Variants in ZBTB7C observed in about 807,000 individuals in gnomAD.
ZBTB7C encodes the protein zinc finger and BTB domain-containing protein 7C.
In ZBTB7C, 8 loss-of-function variants were observed where a neutral mutation model predicts 25.7. The ratio of observed to expected loss-of-function variants is 0.31; its 90% CI spans 0.18 to 0.56. ZBTB7C has a LOEUF of 0.56. Among genes scored for constraint, ZBTB7C ranks in the 20% least tolerant of loss-of-function variants. The pLI is 0.91. For synonymous variants in ZBTB7C, 394 were observed against 369.0 expected (o/e 1.07, Z -0.78); for missense variants, 824 against 855.2 (o/e 0.96, Z 0.46).
At chr18:48,275,369 G>C (rs1187176089) in intron 2 of ZBTB7C, among the ~76,000 whole-genome samples, 1 of 152,148 alleles carries the variant, frequency 6.6e-6, no homozygotes, top group African/African-American at 2.4e-5. Context: ...ATCTGTCAGC[G>C]AATTTCAATT....
chr18:48,183,936 C>T (rs11659573), intron 3 of ZBTB7C, among the ~76,000 whole-genome samples: 32,360 of 152,096 alleles, frequency 0.21, 3,726 homozygotes, highest in South Asian at 0.28. Flanking sequence ...CTGCTTCCCT[C>T]TCTCCTTGAC....
chr18:48,052,363 G>T (rs930176021), intron 3 of ZBTB7C, among the ~76,000 whole-genome samples: 3 of 152,174 alleles, frequency 2.0e-5, no homozygotes, highest in African/African-American at 7.2e-5. Context: ...GTGGATAACT[G>T]GGCTAAGTGG....
intron 1 of ZBTB7C, among the ~76,000 whole-genome samples, chr18:48,378,635 A>G (rs932024519): frequency 4.6e-5 from 7 of 152,216 alleles, no homozygotes; most frequent in Non-Finnish European, 1.0e-4. Context: ...TCAAAATCAA[A>G]CAACAGAGAC....
chr18:48,081,490 A>T lies in ZBTB7C; in HGVS notation c.-16-40367T>A, dbSNP rs199686259. Among the ~76,000 whole-genome samples the T allele has an allele frequency of 4.2e-4, 62 of 148,376 alleles. 1 individual carries two copies. The East Asian group carries it at 0.011, about 27-fold the overall frequency. On this transcript the variant is annotated intron_variant, in intron 3 of 4. Transcript: ENST00000590800. Reference sequence around the variant, plus strand: ...TTTTTTTTGGTTGAGATAGAGTCTCACTCTGTCGCCCAGGCTGGAGTGCAG... The same window carrying T: ...TTTTTTTTGGTTGAGATAGAGTCTCTCTCTGTCGCCCAGGCTGGAGTGCAG...
intron 3 of ZBTB7C, among the ~76,000 whole-genome samples, chr18:48,048,750 G>A (rs551020598): frequency 4.0e-5 from 6 of 151,604 alleles, no homozygotes; most frequent in African/African-American, 1.2e-4. Context: ...AGAGATCTAC[G>A]CTATTGAAGA....
At chr18:48,326,588 C>T (rs1416037767) in intron 2 of ZBTB7C, among the ~76,000 whole-genome samples, 1 of 133,848 alleles carries the variant, frequency 7.5e-6, no homozygotes, top group Non-Finnish European at 1.6e-5. Context: ...TGGAATACTA[C>T]AGAGCAATCA....
intron 3 of ZBTB7C, among the ~76,000 whole-genome samples, chr18:48,169,469 C>G (rs770826720): frequency 2.4e-4 from 37 of 152,144 alleles, no homozygotes; most frequent in Non-Finnish European, 4.4e-4. Flanking sequence ...ACTCGCAGCA[C>G]CTGGCACACT....
chr18:48,160,657 G>A (rs1421038219), intron 3 of ZBTB7C, among the ~76,000 whole-genome samples: 1 of 152,202 alleles, frequency 6.6e-6, no homozygotes, highest in Non-Finnish European at 1.5e-5. Context: ...CAAGCTTGTA[G>A]AAAACACAAG....
At chr18:48,065,813 C>T (rs996626316) in intron 3 of ZBTB7C, among the ~76,000 whole-genome samples, 12 of 152,138 alleles carry the variant, frequency 7.9e-5, no homozygotes, top group African/African-American at 2.7e-4. Flanking sequence ...CCTCTAGGGC[C>T]GTTGGAGAAG....
intron 1 of ZBTB7C, among the ~76,000 whole-genome samples, chr18:48,367,317 T>C (rs1158910837): frequency 3.2e-5 from 4 of 125,328 alleles, no homozygotes; most frequent in Non-Finnish European, 6.5e-5. Context: ...TAGATACATA[T>C]ATGTGTGTAT....
At chr18:48,111,804 T>C (rs1290927966) in intron 3 of ZBTB7C, among the ~76,000 whole-genome samples, 1 of 151,940 alleles carries the variant, frequency 6.6e-6, no homozygotes, top group Non-Finnish European at 1.5e-5. Flanking sequence ...AGCCAGCCAG[T>C]GAGCAAAAAA....
intron 3 of ZBTB7C, among the ~76,000 whole-genome samples, chr18:48,129,126 G>A (rs1346965032): frequency 3.9e-5 from 6 of 152,046 alleles, no homozygotes; most frequent in African/African-American, 1.4e-4. Context: ...GGTGGGGAGA[G>A]GAATTTGAGC....
Position 48,029,044 on chromosome 18 carries a change from C to T in ZBTB7C, c.*216G>A, listed in dbSNP as rs749439024. On this transcript the variant is annotated 3_prime_UTR_variant, in exon 5 of 5. Coordinates refer to ENST00000590800, the MANE Select transcript of ZBTB7C (RefSeq NM_001318841.2). ...GAGACAGGGAGGGAGGCCCGGGCTC[C>T]TGGCCTTTTGGGAAAAGATGCCCGT... 9.3e-5 allele frequency: 60 copies of T among 648,592 alleles called. No homozygotes were observed. The highest frequency in any genetic ancestry group is 1.4e-4 in the Non-Finnish European group (58 of 413,384). The allele number at this position is 648,592 out of a possible 1,614,324, so 40.2% of individuals were successfully genotyped here.
upstream of ZBTB7C, among the ~76,000 whole-genome samples, chr18:48,412,476 G>T (rs1464192174): frequency 6.6e-6 from 1 of 152,138 alleles, no homozygotes; most frequent in East Asian, 1.9e-4. Context: ...TGTTGCCACC[G>T]CTGGGTAGTG....
chr18:48,222,506 A>G (rs2042987920), intron 2 of ZBTB7C, among the ~76,000 whole-genome samples: 1 of 152,054 alleles, frequency 6.6e-6, no homozygotes, highest in Non-Finnish European at 1.5e-5. Context: ...CTCCCTCTAT[A>G]CTGTCCAGTT....
In ZBTB7C at chr18:48,386,496, C is replaced by A. The variant is rs748705181; in HGVS notation, c.-304+22730G>T. ...GCCAAAGAGATGAATGCCATCTAAG[C>A]TGAAGAGACTGGGTTTACCCACAGC... is the stretch of plus-strand genomic sequence containing the variant. On this transcript the variant is annotated intron_variant, in intron 1 of 4. Transcript: ENST00000590800. Among the ~76,000 whole-genome samples the A allele has an allele frequency of 1.4e-3, 211 of 152,304 alleles. 1 individual carries two copies. The highest frequency in any genetic ancestry group is 1.3e-3 in the Non-Finnish European group (88 of 68,018).
chr18:48,262,186 T>C (rs80136665), intron 2 of ZBTB7C, among the ~76,000 whole-genome samples: 11,044 of 152,210 alleles, frequency 0.073, 753 homozygotes, highest in African/African-American at 0.18. Flanking sequence ...GAGAGTAAAA[T>C]GACCGGCTCA....
intron 3 of ZBTB7C, among the ~76,000 whole-genome samples, chr18:48,051,479 G>T (rs1253752131): frequency 6.6e-6 from 1 of 152,160 alleles, no homozygotes; most frequent in African/African-American, 2.4e-5. Flanking sequence ...TCATCCAAGG[G>T]GTGGCTTGGA....
At chr18:48,297,992 G>A (rs1338944440) in intron 2 of ZBTB7C, among the ~76,000 whole-genome samples, 3 of 152,110 alleles carry the variant, frequency 2.0e-5, no homozygotes, top group African/African-American at 7.2e-5. Context: ...GTAAAACTGT[G>A]AGTTGAGGCC....
Sources: allele counts gnomAD v4.1 joint callset (sites outside exome capture counted in the v4.1 genomes callset), GRCh38; gene constraint gnomAD v4.1.1; transcripts MANE v1.5; gene names NCBI Gene and HGNC (gene_info 2026-07-23, HGNC 2026-07-21).